The following TMEM255A variants were observed in gnomAD, a reference collection of about 807,000 sequenced individuals.
The protein encoded by TMEM255A is transmembrane protein 255A.
Under a neutral mutation model 23.5 loss-of-function variants are expected in TMEM255A, and 14 were observed. The observed-to-expected ratio is 0.60, with a 90% CI of 0.39 to 0.93. TMEM255A has a LOEUF of 0.93. TMEM255A is among the 40% of genes least tolerant of loss of function. The pLI is 0.00. For missense variants in TMEM255A, 233 were observed against 261.7 expected (o/e 0.89, Z 0.76); for synonymous variants, 104 against 100.3 (o/e 1.04, Z -0.22).
At chrX:120,261,097 TA>T (rs2057676807) in intron 8 of TMEM255A, 69 bp from the exon 9 acceptor site, 8 of 1,114,610 alleles carry the variant, frequency 7.2e-6, no homozygotes, top group Middle Eastern at 3.4e-4. Context: ...CATTACTATT[TA>T]AAAATGAATA....
At chrX:120,304,278 A>G in intron 2 of TMEM255A, 71 bp downstream of exon 2, 1 of 1,048,126 alleles carries the variant, frequency 9.5e-7, no homozygotes, top group East Asian at 3.1e-5. Context: ...AGAATTGAAA[A>G]CTATCAGAGC....
chrX:120,276,716 C>T (rs918714979), intron 7 of TMEM255A, among the ~76,000 whole-genome samples, 169 bp downstream of exon 7: 4 of 111,502 alleles, frequency 3.6e-5, no homozygotes, highest in Non-Finnish European at 7.5e-5. Flanking sequence ...AGACTGATGA[C>T]ATTACCTGGC....
chrX:120,267,635 G>A (rs947777228), intron 8 of TMEM255A, among the ~76,000 whole-genome samples: 2 of 112,185 alleles, frequency 1.8e-5, no homozygotes, highest in Non-Finnish European at 3.8e-5. Flanking sequence ...AGTTCAAAAG[G>A]AAAAGGGGAA....
At chrX:120,304,284 A>G in intron 2 of TMEM255A, 65 bp downstream of exon 2, 1 of 1,087,737 alleles carries the variant, frequency 9.2e-7, no homozygotes, top group Non-Finnish European at 1.2e-6. Flanking sequence ...GAAAACTATC[A>G]GAGCAGAGCC....
downstream of TMEM255A, chrX:120,254,080 G>T (rs2057619080): frequency 3.3e-6 from 4 of 1,211,073 alleles, no homozygotes; most frequent in East Asian, 8.9e-5. Flanking sequence ...TCTAACCCAG[G>T]CCCTGTTGCT....
rs1556016156 is a variant in TMEM255A at position 120,259,390 on chromosome X, A to T, written c.*1480T>A. ...ACATTTACTGTTAATGAGAGAGTGC[A>T]CTTCTTGTGCCTTGATTCTTGATGG... On this transcript the variant is annotated 3_prime_UTR_variant, in exon 9 of 9. Transcript: ENST00000371369. 8.9e-6 allele frequency: 1 copy of T among 112,559 alleles called. No individual in the cohort carries two copies. 9.3% of individuals were successfully genotyped at this position (112,559 alleles called of 1,213,427 possible). A position where few individuals can be genotyped will look rare whatever the true frequency, so the allele number is the denominator to read the frequency against.
chrX:120,270,563 G>T (rs1182430495), intron 7 of TMEM255A, among the ~76,000 whole-genome samples: 1 of 111,546 alleles, frequency 9.0e-6, no homozygotes, highest in African/African-American at 3.3e-5. Flanking sequence ...AGGAGAAAAT[G>T]GAAAGATATA....
intron 7 of TMEM255A, among the ~76,000 whole-genome samples, chrX:120,276,433 G>T (rs1569334686): frequency 8.9e-6 from 1 of 112,243 alleles, no homozygotes; most frequent in Non-Finnish European, 1.9e-5. Flanking sequence ...TCTTTCTGAA[G>T]AAACTTCACT....
At chrX:120,302,904 C>CCT (rs57553153) in intron 2 of TMEM255A, among the ~76,000 whole-genome samples, 13,466 of 107,790 alleles carry the variant, frequency 0.12, 677 homozygotes, top group East Asian at 0.25. Flanking sequence ...CCAATCCCCA[C>CCT]CTCTCTCTCT....
chrX:120,280,469 T>C (rs139339447), intron 6 of TMEM255A, among the ~76,000 whole-genome samples: 2,780 of 109,938 alleles, frequency 0.025, 97 homozygotes, highest in African/African-American at 0.088. Context: ...TTCTTAGATA[T>C]GGTTCGGGTT....
downstream of TMEM255A, chrX:120,255,421 CAG>C: frequency 8.4e-7 from 1 of 1,196,523 alleles, no homozygotes; most frequent in Non-Finnish European, 1.1e-6. Flanking sequence ...TTTATAATAC[CAG>C]AGTCTTACTA....
rs141728391 is a variant in TMEM255A, at chrX:120,282,586, G to A, written c.512+2541C>T. ...CATGCCCAGCCCTGTGCTGGGGCCAGGGAAGTATAGATAAGATTAAGTCAT... is the reference window on the plus strand; with the variant it reads ...CATGCCCAGCCCTGTGCTGGGGCCAAGGAAGTATAGATAAGATTAAGTCAT... On this transcript the variant is annotated intron_variant, in intron 6 of 8. Transcript: ENST00000371369. Among the ~76,000 whole-genome samples, 623 of 111,806 alleles carry A rather than the reference G, an allele frequency of 5.6e-3. 3 individuals are homozygous for A. The highest frequency in any genetic ancestry group is 0.02 in the African/African-American group (606 of 30,722).
chrX:120,266,744 T>C (rs2057720458), intron 8 of TMEM255A, among the ~76,000 whole-genome samples: 1 of 112,609 alleles, frequency 8.9e-6, no homozygotes, highest in Non-Finnish European at 1.9e-5. Context: ...AAGAGAATGA[T>C]GACCTTCCTT....
At chrX:120,268,033 C>T (rs782361424) in intron 8 of TMEM255A, among the ~76,000 whole-genome samples, 14 of 111,297 alleles carry the variant, frequency 1.3e-4, no homozygotes, top group Non-Finnish European at 2.3e-4. Context: ...TCTTCTCTTG[C>T]GCAGCTTCCA....
At chrX:120,298,910 G>T (rs2058016130) in intron 2 of TMEM255A, among the ~76,000 whole-genome samples, 1 of 100,035 alleles carries the variant, frequency 1.0e-5, no homozygotes, top group Middle Eastern at 5.2e-3. Context: ...AGAGAGATCA[G>T]GGAGGATATT....
At chrX:120,271,021 A>G (rs2057756185) in intron 7 of TMEM255A, among the ~76,000 whole-genome samples, 1 of 111,052 alleles carries the variant, frequency 9.0e-6, no homozygotes, top group Non-Finnish European at 1.9e-5. Context: ...TCATGAATCA[A>G]AGATCTTCTC....
chrX:120,298,093 C>T (rs188002844), intron 2 of TMEM255A, among the ~76,000 whole-genome samples: 3 of 108,266 alleles, frequency 2.8e-5, no homozygotes, highest in Non-Finnish European at 5.7e-5. Flanking sequence ...TGGCTGTCCT[C>T]CACTTGTGGA....
intron 3 of TMEM255A, among the ~76,000 whole-genome samples, chrX:120,293,032 A>T (rs2057927235): frequency 8.9e-6 from 1 of 112,508 alleles, no homozygotes; most frequent in Non-Finnish European, 1.9e-5. Context: ...CCCAGGTGAA[A>T]TGGAAGAAAA....
At chrX:120,293,277 A>T (rs934665787) in intron 3 of TMEM255A, among the ~76,000 whole-genome samples, 1 of 112,702 alleles carries the variant, frequency 8.9e-6, no homozygotes, top group Non-Finnish European at 1.9e-5. Context: ...CTTGCAATTC[A>T]GTCTATATCT....
Sources: gnomAD v4.1 joint callset for allele counts (sites outside exome capture counted in the v4.1 genomes callset) on GRCh38, gnomAD v4.1.1 for gene constraint, MANE v1.5 for transcripts, NCBI Gene and HGNC (gene_info 2026-07-23, HGNC 2026-07-21) for gene names.